AGMO: variants seen among roughly 807,000 people sequenced by gnomAD.
AGMO encodes the protein glyceryl-ether monooxygenase.
In AGMO, 75 loss-of-function variants were observed where a neutral mutation model predicts 60.2. The observed-to-expected ratio is 1.25, with a 90% CI of 1.03 to 1.51. The LOEUF (loss-of-function observed/expected upper bound fraction) is 1.51. AGMO is among the 40% of genes most tolerant of loss of function. The pLI is 0.00. For synonymous variants in AGMO, 261 were observed against 177.1 expected (o/e 1.47, Z -3.76); for missense variants, 763 against 525.5 (o/e 1.45, Z -4.42).
chr7:15,548,227 A>G (rs2115290483), intron 2 of AGMO, among the ~76,000 whole-genome samples: 1 of 152,324 alleles, frequency 6.6e-6, no homozygotes, highest in South Asian at 2.1e-4. Flanking sequence ...AAAACAGAAC[A>G]GAAAAACTGG....
At chr7:15,534,477 C>A (rs1462555299) in intron 3 of AGMO, among the ~76,000 whole-genome samples, 1 of 151,956 alleles carries the variant, frequency 6.6e-6, no homozygotes, top group Non-Finnish European at 1.5e-5. Context: ...TTGTTTATTA[C>A]AGTTGACAAC....
chr7:15,323,960 G>A (rs367906701), intron 12 of AGMO, among the ~76,000 whole-genome samples: 5 of 152,146 alleles, frequency 3.3e-5, no homozygotes, highest in African/African-American at 9.7e-5. Context: ...CAAGCTTGCC[G>A]CAGACATTTC....
At chr7:15,547,955 G>A (rs1216461128) in intron 2 of AGMO, among the ~76,000 whole-genome samples, 10 of 151,654 alleles carry the variant, frequency 6.6e-5, no homozygotes, top group Admixed American at 6.6e-5. Flanking sequence ...CTCCCAGCAC[G>A]CAGCTGGAGA....
chr7:15,461,293 T>C (rs1306845603), intron 3 of AGMO, among the ~76,000 whole-genome samples: 1 of 151,560 alleles, frequency 6.6e-6, no homozygotes, highest in Non-Finnish European at 1.5e-5. Flanking sequence ...TATTTAACCT[T>C]CCATATGTAA....
intron 12 of AGMO, among the ~76,000 whole-genome samples, chr7:15,256,943 ATAGG>A (rs201145832): frequency 5.9e-5 from 9 of 152,152 alleles, no homozygotes; most frequent in African/African-American, 9.7e-5. Flanking sequence ...AAATAAATAA[ATAGG>A]TAGGCATTCC....
chr7:15,150,239 T>A, the AGMO span, among the ~76,000 whole-genome samples: 1 of 152,118 alleles, frequency 6.6e-6, no homozygotes, highest in Admixed American at 6.5e-5. Context: ...CAGAGTCATA[T>A]CATCTGTGAA....
At chr7:15,217,894 T>C (rs1427276488) in intron 12 of AGMO, among the ~76,000 whole-genome samples, 1 of 152,074 alleles carries the variant, frequency 6.6e-6, no homozygotes, top group Non-Finnish European at 1.5e-5. Context: ...TATTATTATT[T>C]ATTTATTTAA....
chr7:15,345,853 A>T (rs941105809), intron 12 of AGMO, among the ~76,000 whole-genome samples: 2 of 152,016 alleles, frequency 1.3e-5, no homozygotes, highest in Non-Finnish European at 2.9e-5. Flanking sequence ...CATTACTACA[A>T]TAACAATTCC....
chr7:15,204,011 C>A (rs1328781732), intron 12 of AGMO, among the ~76,000 whole-genome samples: 1 of 151,878 alleles, frequency 6.6e-6, no homozygotes, highest in Non-Finnish European at 1.5e-5. Context: ...TAATAAAATC[C>A]AGATTGGCAA....
chr7:15,139,810 T>C, the AGMO span, among the ~76,000 whole-genome samples: 20 of 129,646 alleles, frequency 1.5e-4, no homozygotes, highest in Non-Finnish European at 2.8e-4. Context: ...CTAGACCCTA[T>C]CTCAAAAGAC....
intron 3 of AGMO, among the ~76,000 whole-genome samples, chr7:15,516,764 T>C (rs1191259740): frequency 6.6e-6 from 1 of 152,176 alleles, no homozygotes; most frequent in East Asian, 1.9e-4. Context: ...ACATCCTTTT[T>C]TTTTTTCAGG....
intron 12 of AGMO, among the ~76,000 whole-genome samples, chr7:15,360,921 A>C (rs1257048176): frequency 7.0e-6 from 1 of 142,548 alleles, no homozygotes; most frequent in Non-Finnish European, 1.5e-5. Flanking sequence ...TGAAAATAAG[A>C]AGAAAAAACC....
intron 12 of AGMO, among the ~76,000 whole-genome samples, chr7:15,267,935 A>T (rs1783482736): frequency 6.6e-6 from 1 of 151,956 alleles, no homozygotes; most frequent in African/African-American, 2.4e-5. Flanking sequence ...AAATATAATG[A>T]ATCTATTAAA....
intron 5 of AGMO, chr7:15,396,587 G>A (rs893831553): frequency 6.6e-6 from 1 of 152,236 alleles, no homozygotes; most frequent in African/African-American, 2.4e-5. Context: ...CTCCTTGCTT[G>A]GATCGCCAGC....
At chr7:15,452,935 G>A (rs1781893285) in intron 3 of AGMO, among the ~76,000 whole-genome samples, 1 of 152,180 alleles carries the variant, frequency 6.6e-6, no homozygotes, top group Non-Finnish European at 1.5e-5. Context: ...GAATGAACTT[G>A]GAAATGTTAT....
At chr7:15,415,140 T>A (rs1323232379) in intron 5 of AGMO, among the ~76,000 whole-genome samples, 1 of 152,004 alleles carries the variant, frequency 6.6e-6, no homozygotes, top group Admixed American at 6.6e-5. Flanking sequence ...TTTCTGTTCA[T>A]GAAAAGTCAT....
At chr7:15,166,974 A>G in the AGMO span, among the ~76,000 whole-genome samples, 1 of 152,318 alleles carries the variant, frequency 6.6e-6, no homozygotes, top group South Asian at 2.1e-4. Context: ...TGTCCAGTAG[A>G]TACTTGGAGA....
intron 12 of AGMO, among the ~76,000 whole-genome samples, chr7:15,343,645 T>C (rs550744825): frequency 1.3e-5 from 2 of 152,288 alleles, no homozygotes; most frequent in East Asian, 3.9e-4. Flanking sequence ...CCTCTTTGCT[T>C]CATCTCACCG....
intron 3 of AGMO, among the ~76,000 whole-genome samples, chr7:15,433,789 T>C (rs1781323402): frequency 6.6e-6 from 1 of 151,714 alleles, no homozygotes; most frequent in African/African-American, 2.4e-5. Context: ...TATATGTTAT[T>C]ATAATTTTTC....
Sources: gnomAD v4.1 joint callset for allele counts (sites outside exome capture counted in the v4.1 genomes callset) on GRCh38, gnomAD v4.1.1 for gene constraint, MANE v1.5 for transcripts, NCBI Gene and HGNC (gene_info 2026-07-23, HGNC 2026-07-21) for gene names.